Variants in TRAF3 observed in about 807,000 individuals in gnomAD.
TRAF3 encodes the protein TNF receptor-associated factor 3.
TRAF3 carries 13 observed loss-of-function variants against 62.3 expected under a neutral mutation model. That is an observed-to-expected ratio of 0.21 (90% CI 0.14 to 0.33). The LOEUF is 0.33. TRAF3 is among the 10% of genes least tolerant of loss of function. The pLI, the probability that TRAF3 is intolerant of heterozygous loss-of-function variation, is 1.00. For missense variants in TRAF3, 440 were observed against 741.8 expected (o/e 0.59, Z 4.73); for synonymous variants, 269 against 283.4 (o/e 0.95, Z 0.51).
intron 7 of TRAF3, among the ~76,000 whole-genome samples, chr14:102,888,610 C>T (rs559097928): frequency 1.3e-5 from 2 of 152,278 alleles, no homozygotes; most frequent in Admixed American, 6.5e-5. Flanking sequence ...AACACATTCC[C>T]GGCTGCTGCA....
intron 10 of TRAF3, among the ~76,000 whole-genome samples, chr14:102,900,334 C>T (rs1276432710): frequency 1.3e-5 from 2 of 152,042 alleles, no homozygotes; most frequent in Non-Finnish European, 2.9e-5. Context: ...AACCCCGTCT[C>T]TACTAAAAAT....
intron 2 of TRAF3, among the ~76,000 whole-genome samples, chr14:102,839,210 CTT>C (rs56998347): frequency 1.8e-4 from 16 of 89,828 alleles, no homozygotes; most frequent in African/African-American, 7.1e-4. Context: ...GTTGATTTGC[CTT>C]TTTTTTTTTT....
intron 3 of TRAF3, among the ~76,000 whole-genome samples, chr14:102,870,700 C>T (rs78891560): frequency 0.02 from 3,029 of 152,196 alleles, 92 homozygotes; most frequent in African/African-American, 0.068. Context: ...GCCTTGGTGC[C>T]CCTCATATGT....
chr14:102,871,527 G>A (rs1354804923), intron 3 of TRAF3, among the ~76,000 whole-genome samples: 1 of 152,214 alleles, frequency 6.6e-6, no homozygotes, highest in East Asian at 1.9e-4. Context: ...CAAATGGCCT[G>A]TGGAGAAGGG....
At chr14:102,852,708 TG>T (rs1333879246) in intron 2 of TRAF3, among the ~76,000 whole-genome samples, 1 of 152,010 alleles carries the variant, frequency 6.6e-6, no homozygotes, top group Non-Finnish European at 1.5e-5. Context: ...AAAAACAGTT[TG>T]TTTTTTTTAG....
At chr14:102,896,921 C>T (rs1890035748) in intron 9 of TRAF3, among the ~76,000 whole-genome samples, 1 of 152,028 alleles carries the variant, frequency 6.6e-6, no homozygotes, top group African/African-American at 2.4e-5. Flanking sequence ...TTTTTAAAGC[C>T]TAACCAGACA....
Position 102,903,199 on chromosome 14 carries a change from G to A in TRAF3, c.961-56G>A. The A allele has an allele frequency of 6.2e-7, 1 of 1,611,454 alleles. No individual in the cohort carries two copies. The highest frequency in any genetic ancestry group is 8.5e-7 in the Non-Finnish European group (1 of 1,177,728). ...CTGTCTGTATTTGATGGAAGGTGGTGCAGCATTTTCCGAGTCCTAACTGTG... is the reference window on the plus strand; with the variant it reads ...CTGTCTGTATTTGATGGAAGGTGGTACAGCATTTTCCGAGTCCTAACTGTG... On this transcript the variant is annotated intron_variant, in intron 10 of 11. Transcript: ENST00000392745. The surrounding 1 kb of genome is among the most constrained non-coding windows in gnomAD (Gnocchi z 6.4).
chr14:102,904,827 A>AG (rs1491030593), intron 11 of TRAF3, among the ~76,000 whole-genome samples: 29 of 111,740 alleles, frequency 2.6e-4, no homozygotes, highest in Non-Finnish European at 5.0e-4. Context: ...AAAAAAAAAA[A>AG]AGAGCCAGGC....
chr14:102,837,492 C>T (rs543477274), intron 2 of TRAF3, among the ~76,000 whole-genome samples: 2 of 151,972 alleles, frequency 1.3e-5, no homozygotes, highest in Non-Finnish European at 2.9e-5. Flanking sequence ...TTAGCCTAGC[C>T]GAGATCTTAA....
chr14:102,805,613 C>T (rs1053728327), intron 1 of TRAF3, among the ~76,000 whole-genome samples: 2 of 152,116 alleles, frequency 1.3e-5, no homozygotes, highest in African/African-American at 4.8e-5. Flanking sequence ...CCAGGGAGCC[C>T]CTGCCTGCAG....
At chr14:102,899,293 G>A (rs1890158422) in intron 10 of TRAF3, among the ~76,000 whole-genome samples, 1 of 152,198 alleles carries the variant, frequency 6.6e-6, no homozygotes, top group South Asian at 2.1e-4. Context: ...GATGCCCAGA[G>A]GTGCTGGCTG....
intron 7 of TRAF3, among the ~76,000 whole-genome samples, chr14:102,887,904 T>G (rs1042459275): frequency 3.3e-5 from 5 of 152,156 alleles, no homozygotes; most frequent in Admixed American, 2.6e-4. Context: ...CAATAATTTC[T>G]TATTTAAAAC....
chr14:102,819,242 G>A (rs1899745047), intron 1 of TRAF3, among the ~76,000 whole-genome samples: 1 of 151,972 alleles, frequency 6.6e-6, no homozygotes. Context: ...TGTTCCTTGG[G>A]TAGCTTCCCT....
chr14:102,828,088 C>T (rs1239015055), intron 1 of TRAF3, among the ~76,000 whole-genome samples: 2 of 152,272 alleles, frequency 1.3e-5, no homozygotes, highest in Non-Finnish European at 1.5e-5. Context: ...CACAGCCATC[C>T]TCCAGTAAAA....
intron 1 of TRAF3, among the ~76,000 whole-genome samples, chr14:102,787,707 C>T (rs950638272): frequency 2.0e-5 from 3 of 151,838 alleles, no homozygotes; most frequent in South Asian, 2.1e-4. Context: ...ACAACAACAA[C>T]ACTTCGATTT....
chr14:102,796,515 G>A (rs1344608890), intron 1 of TRAF3, among the ~76,000 whole-genome samples: 7 of 152,246 alleles, frequency 4.6e-5, no homozygotes, highest in South Asian at 2.1e-4. Context: ...CTGGACTTGC[G>A]ACTAGTGTCT....
Position 102,891,327 on chromosome 14 carries a change from G to T in TRAF3, c.729G>T (p.Gly243=), listed in dbSNP as rs755678092. Residue 243 remains glycine (G), a splice_region_variant and synonymous_variant, in exon 9 of 12, where the codon GGG becomes GGT. Transcript: ENST00000392745. Reference sequence around the variant, plus strand: ...GCCTCACATGTTTGCTCTCGCAGGGGACAAACCAGCAGATCAAGGCCCACG... The same window carrying T: ...GCCTCACATGTTTGCTCTCGCAGGGTACAAACCAGCAGATCAAGGCCCACG... ...SFKRYGCVFQ[G]TNQQIKAHEA... 3.1e-6 allele frequency: 5 copies of T among 1,612,814 alleles called. No homozygotes were observed. The Admixed American group carries it at 5.0e-5, about 16-fold the overall frequency.
chr14:102,844,342 G>A (rs1389303586), intron 2 of TRAF3, among the ~76,000 whole-genome samples: 89 of 152,222 alleles, frequency 5.8e-4, no homozygotes, highest in Admixed American at 5.8e-3. Flanking sequence ...GCTAGCTATA[G>A]ATGGTTCACT....
chr14:102,858,604 C>T (rs1887514133), intron 2 of TRAF3, among the ~76,000 whole-genome samples: 1 of 152,206 alleles, frequency 6.6e-6, no homozygotes, highest in South Asian at 2.1e-4. Context: ...AGTCTTAAGG[C>T]AGCCACTATT....
Sources: allele counts gnomAD v4.1 joint callset (sites outside exome capture counted in the v4.1 genomes callset), GRCh38; gene constraint gnomAD v4.1.1; non-coding constraint Gnocchi (gnomAD v3.1); transcripts MANE v1.5; gene names NCBI Gene and HGNC (gene_info 2026-07-23, HGNC 2026-07-21).